The following SLC25A35 variants were observed in gnomAD, a reference collection of about 807,000 sequenced individuals.
SLC25A35 encodes the protein solute carrier family 25, member 35.
Under a neutral mutation model 30.5 loss-of-function variants are expected in SLC25A35, and 32 were observed. That is an observed-to-expected ratio of 1.05 (90% CI 0.79 to 1.41). The LOEUF is 1.41. Ranked by LOEUF, SLC25A35 falls within the 40% of genes most tolerant of loss-of-function variation. The pLI, the probability that SLC25A35 is intolerant of heterozygous loss-of-function variation, is 0.00. For missense variants in SLC25A35, 369 were observed against 388.0 expected (o/e 0.95, Z 0.41); for synonymous variants, 142 against 158.1 (o/e 0.90, Z 0.77).
intron 1 of SLC25A35, 67 bp from the exon 2 acceptor site, chr17:8,292,655 T>G: frequency 7.4e-7 from 1 of 1,356,068 alleles, no homozygotes; most frequent in Non-Finnish European, 1.1e-6. Context: ...ACCAAATGTC[T>G]CACCCCCTCA....
intron 2 of SLC25A35, 141 bp downstream of exon 2, chr17:8,292,382 G>A (rs781312922): frequency 2.5e-6 from 2 of 797,402 alleles, no homozygotes; most frequent in Non-Finnish European, 4.4e-6. Context: ...GAGGGTCTGG[G>A]TAGACTCCAG....
At position 8,290,196 on chromosome 17, in the gene SLC25A35, T is replaced by G; in HGVS notation, c.*309A>C. 10 of 1,429,230 alleles carry G rather than the reference T, an allele frequency of 7.0e-6. No homozygotes were observed. The highest frequency in any genetic ancestry group is 9.1e-6 in the Non-Finnish European group (10 of 1,097,142). The allele number at this position is 1,429,230 out of a possible 1,614,324, so 88.5% of individuals were successfully genotyped here. ...GGAGGGAGGAGTTTAAAACTGTGCA[T>G]GGGAGCAGGAGGGACTCAAGGGTGG... On this transcript the variant is annotated 3_prime_UTR_variant, in exon 5 of 5. Coordinates refer to ENST00000577745, the MANE Select transcript of SLC25A35 (RefSeq NM_001320870.2).
chr17:8,290,863 C>G lies in SLC25A35; in HGVS notation c.708G>C (p.Gln236His). 1.9e-6 allele frequency: 3 copies of G among 1,614,030 alleles called. No homozygotes were observed. The South Asian group carries it at 3.3e-5, about 18-fold the overall frequency. Residue 236 changes from glutamine (Q) to histidine (H), a missense_variant, in exon 4 of 5, where the codon CAG (glutamine) becomes CAC (histidine). Physicochemically the swap from Gln to His is conservative, Grantham distance 24 (BLOSUM62 0). Transcript: ENST00000577745. ...TTACCTTGCCCTGTGCATCTGTGGGCTGGTTGTAGAGCCTTGTGCAGGCCA... is the reference window on the plus strand; with the variant it reads ...TTACCTTGCCCTGTGCATCTGTGGGGTGGTTGTAGAGCCTTGTGCAGGCCA... ...FDVACTRLYN[Q>H]PTDAQGKGLM...
chr17:8,289,413 AGGTGAG>A (rs1453602713), downstream of SLC25A35: 2 of 1,614,046 alleles, frequency 1.2e-6, no homozygotes, highest in East Asian at 2.2e-5. Flanking sequence ...GAAAACCAGC[AGGTGAG>A]GGCCCGAGAG....
At chr17:8,292,495 G>C (rs1305200453) in intron 2 of SLC25A35, 28 bp downstream of exon 2, 1 of 1,611,208 alleles carries the variant, frequency 6.2e-7, no homozygotes, top group Non-Finnish European at 8.5e-7. Flanking sequence ...GGATGGTCAG[G>C]GACTTTGGCA....
chr17:8,292,024 T>A (rs111840895), intron 2 of SLC25A35, among the ~76,000 whole-genome samples: 13,798 of 152,008 alleles, frequency 0.091, 961 homozygotes, highest in African/African-American at 0.18. Context: ...TCTACTAAAA[T>A]TACAAAAATT....
chr17:8,291,301 C>A, intron 3 of SLC25A35, 32 bp downstream of exon 3: 1 of 1,610,816 alleles, frequency 6.2e-7, no homozygotes, highest in South Asian at 1.1e-5. Context: ...CCCCCCTTCC[C>A]GAAACAGACC....
intron 1 of SLC25A35, among the ~76,000 whole-genome samples, chr17:8,293,940 T>C (rs1180210902): frequency 7.6e-6 from 1 of 131,524 alleles, no homozygotes; most frequent in Non-Finnish European, 1.6e-5. Context: ...TTGTGAGACG[T>C]AGCCTTGCTC....
rs958613763 is a variant in SLC25A35 at position 8,295,131 on chromosome 17, G to A, written c.-324C>T. ...GGGATGGCTCAGGATGGCGGGCGAC[G>A]GGAGCACGGGAGTAGAGGAGGGAAT... On this transcript the variant is annotated 5_prime_UTR_variant, in exon 1 of 5. Transcript: ENST00000577745. 3.7e-6 allele frequency: 4 copies of A among 1,074,032 alleles called. No homozygotes were observed. Among genetic ancestry groups the A allele is most frequent in the African/African-American group, 1.7e-5 (1 of 60,246 alleles). 66.5% of individuals were successfully genotyped at this position (1,074,032 alleles called of 1,614,324 possible). A position where few individuals can be genotyped will look rare whatever the true frequency, so the allele number is the denominator to read the frequency against.
chr17:8,291,105 G>A, intron 3 of SLC25A35, 129 bp from the exon 4 acceptor site: 2 of 1,370,416 alleles, frequency 1.5e-6, no homozygotes, highest in Non-Finnish European at 2.0e-6. Flanking sequence ...TTATAACAGT[G>A]CAAAAACAGT....
chr17:8,288,713 C>A (rs1990232040), downstream of SLC25A35: 2 of 1,538,054 alleles, frequency 1.3e-6, no homozygotes, highest in Non-Finnish European at 1.8e-6. Flanking sequence ...CTGCGAAACC[C>A]AGGGAGCCGA....
chr17:8,293,929 T>C (rs931353328), intron 1 of SLC25A35, among the ~76,000 whole-genome samples: 1 of 147,464 alleles, frequency 6.8e-6, no homozygotes, highest in African/African-American at 2.5e-5. Flanking sequence ...TTTTTTTTTT[T>C]TTGTGAGACG....
chr17:8,288,111 G>C (rs1434563816), downstream of SLC25A35: 1 of 155,228 alleles, frequency 6.4e-6, no homozygotes, highest in Non-Finnish European at 1.4e-5. Context: ...AGGGTCTCAG[G>C]CGACCTTCTT....
chr17:8,292,576 G>C lies in SLC25A35; in HGVS notation c.388C>G (p.Leu130Val). The C allele has an allele frequency of 6.2e-7, 1 of 1,614,094 alleles. No homozygotes were observed. The highest frequency in any genetic ancestry group is 8.5e-7 in the Non-Finnish European group (1 of 1,179,996). The change falls in exon 2 of 5, where the codon CTG (leucine) becomes GTG (valine). Residue 130 changes from leucine (L) to valine (V), a missense_variant. Leu to Val is a conservative substitution (Grantham distance 32). Transcript: ENST00000577745. ...ATTTCTGAGGCTGCCTGTGCCTGCA[G>C]GTGTGTCTTCACCTGGGAACAAGAG... ...GSPIYMVKTH[L>V]QAQAASEIAV...
chr17:8,290,506 T>A lies in SLC25A35; in HGVS notation c.902A>T (p.Ter301LeuextTer24), dbSNP rs1462294511. Residue 301 changes from the stop codon to leucine, a stop_lost, in exon 5 of 5, where the codon TAA (stop) becomes TTA (leucine). Transcript: ENST00000577745. ...LRSLYYTDTK[*>L] ...TGGTGGAGACTGGGAAAGCGGCTGT[T>A]ATTTAGTGTCTGTGTAGTAGAGGGA... is the stretch of plus-strand genomic sequence containing the variant. The A allele has an allele frequency of 2.0e-6, 3 of 1,535,620 alleles. No homozygotes were observed. Among genetic ancestry groups the A allele is most frequent in the Non-Finnish European group, 2.6e-6 (3 of 1,146,738 alleles).
In SLC25A35 at chr17:8,290,647, A is replaced by G. The variant is rs1041506330; in HGVS notation, c.761T>C (p.Leu254Pro). Residue 254 changes from leucine (L) to proline (P), a missense_variant, in exon 5 of 5, where the codon CTG becomes CCG. By Grantham distance (98) the Leu-to-Pro change is moderately conservative. Transcript: ENST00000577745. The part of the protein sequence containing the change: ...GLMYRGILDA[L>P]LQTARTEGIF... ...GCCCTCGGTCCGAGCTGTCTGCAGC[A>G]GAGCGTCCAGTATCCCCCGGTACAT... 17 of 1,554,440 alleles carry G rather than the reference A, an allele frequency of 1.1e-5. No homozygotes were observed. Among genetic ancestry groups the G allele is most frequent in the Non-Finnish European group, 5.2e-6 (6 of 1,156,184 alleles).
Position 8,291,497 on chromosome 17 carries a change from A to G in SLC25A35, c.442-12T>C, listed in dbSNP as rs1452936921. 1.2e-6 allele frequency: 2 copies of G among 1,605,094 alleles called. No individual in the cohort carries two copies. Among genetic ancestry groups the G allele is most frequent in the Non-Finnish European group, 1.7e-6 (2 of 1,175,468 alleles). On this transcript the variant is annotated splice_polypyrimidine_tract_variant and intron_variant, in intron 2 of 4. Coordinates refer to ENST00000577745, the MANE Select transcript of SLC25A35 (RefSeq NM_001320870.2). The stretch of plus-strand genomic sequence containing the variant: ...GCCTGAAACATGCCCTAGTGTGGGG[A>G]AGACCGGGGGTGGGGTTCAGACAGC...
chr17:8,290,885 G>A lies in SLC25A35; in HGVS notation c.686C>T (p.Ala229Val). 6.2e-7 allele frequency: 1 copy of A among 1,614,076 alleles called. No individual in the cohort carries two copies. Residue 229 changes from alanine to valine, a missense_variant, in exon 4 of 5, where the codon GCC (alanine) becomes GTC (valine). Coordinates refer to ENST00000577745, the MANE Select transcript of SLC25A35 (RefSeq NM_001320870.2). ...VVLAMAPFDV[A>V]CTRLYNQPTD... Reference sequence around the variant, plus strand: ...GGGCTGGTTGTAGAGCCTTGTGCAGGCCACATCAAAGGGTGCCATGGCCAA... The same window carrying A: ...GGGCTGGTTGTAGAGCCTTGTGCAGACCACATCAAAGGGTGCCATGGCCAA...
intron 3 of SLC25A35, 89 bp downstream of exon 3, chr17:8,291,244 G>A (rs1990474323): frequency 1.9e-6 from 3 of 1,553,944 alleles, no homozygotes; most frequent in East Asian, 4.5e-5. Context: ...ACCTGTGAAT[G>A]TTGGGCACCA....
Sources: gnomAD v4.1 joint callset for allele counts (sites outside exome capture counted in the v4.1 genomes callset) on GRCh38, gnomAD v4.1.1 for gene constraint, MANE v1.5 for transcripts, NCBI Gene and HGNC (gene_info 2026-07-23, HGNC 2026-07-21) for gene names.